The following ZNF746 variants were observed in gnomAD, a reference collection of about 807,000 sequenced individuals.
The protein encoded by ZNF746 is parkin-interacting substrate.
In ZNF746, 13 loss-of-function variants were observed where a neutral mutation model predicts 41.0. The ratio of observed to expected loss-of-function variants is 0.32; its 90% CI spans 0.21 to 0.50. ZNF746 has a LOEUF of 0.50. ZNF746 is among the 20% of genes least tolerant of loss of function. The pLI, the probability that ZNF746 is intolerant of heterozygous loss-of-function variation, is 0.98. For missense variants in ZNF746, 811 were observed against 922.9 expected (o/e 0.88, Z 1.57); for synonymous variants, 424 against 396.2 (o/e 1.07, Z -0.83).
At chr7:149,484,660 G>A (rs1484572457) in intron 4 of ZNF746, among the ~76,000 whole-genome samples, 2 of 149,516 alleles carry the variant, frequency 1.3e-5, no homozygotes, top group Non-Finnish European at 3.0e-5. Context: ...GATTTTCTGG[G>A]AGTTCTCAGT....
intron 4 of ZNF746, among the ~76,000 whole-genome samples, chr7:149,486,249 T>C (rs969238380): frequency 1.3e-5 from 2 of 152,014 alleles, no homozygotes; most frequent in East Asian, 3.9e-4. Context: ...TGAGGTGTGA[T>C]TGGAACCCCC....
intron 4 of ZNF746, among the ~76,000 whole-genome samples, chr7:149,480,918 A>G (rs942293137): frequency 6.6e-6 from 1 of 152,218 alleles, no homozygotes; most frequent in African/African-American, 2.4e-5. Context: ...TCCAGAATAA[A>G]AGGTTAGAAA....
chr7:149,495,675 G>C (rs1025054733), intron 1 of ZNF746, among the ~76,000 whole-genome samples: 3 of 152,210 alleles, frequency 2.0e-5, no homozygotes, highest in African/African-American at 7.2e-5. Context: ...CTAGAAACCA[G>C]TGTGGATTCA....
intron 4 of ZNF746, among the ~76,000 whole-genome samples, chr7:149,481,204 C>G (rs7808284): frequency 0.03 from 4,534 of 152,292 alleles, 241 homozygotes; most frequent in African/African-American, 0.1. Flanking sequence ...AAATAACACT[C>G]AAGCTAAAAT....
chr7:149,474,464 G>A lies in ZNF746; in HGVS notation c.1903C>T (p.Pro635Ser). The change falls in exon 7 of 7, where the codon CCT becomes TCT. Residue 635 changes from proline (P) to serine (S), a missense_variant. By Grantham distance (74) the Pro-to-Ser change is moderately conservative (BLOSUM62 -1). Coordinates refer to ENST00000458143, the MANE Select transcript of ZNF746 (RefSeq NM_001394198.1). This position sits in a 1 kb window ranked among gnomAD's most constrained non-coding sequence, Gnocchi z 6.3. ...DPFKSPASKGPLASTDLVTDW... is the reference protein window; with the variant it reads ...DPFKSPASKGSLASTDLVTDW... ...GTCACAAGGTCTGTGGAGGCCAAAG[G>A]TCCTTTGGAGGCGGGGCTCTTGAAG... is the stretch of plus-strand genomic sequence containing the variant. 6.2e-7 allele frequency: 1 copy of A among 1,611,540 alleles called. No individual in the cohort carries two copies. Among genetic ancestry groups the A allele is most frequent in the Non-Finnish European group, 8.5e-7 (1 of 1,178,868 alleles).
rs1382320873 is a variant in ZNF746 at position 149,484,403 on chromosome 7, C to G, written c.566-6648G>C. Among the ~76,000 whole-genome samples the G allele has an allele frequency of 2.6e-5, 4 of 152,232 alleles. No individual in the cohort carries two copies. In the South Asian group the frequency reaches 6.2e-4, roughly 24 times the overall value. On this transcript the variant is annotated intron_variant, in intron 4 of 6. Transcript: ENST00000458143. ...TTAGAAAGTAACATAATTTACCTTACTAGCAGGTTAAGGAGAAAAAAATGT... is the reference window on the plus strand; with the variant it reads ...TTAGAAAGTAACATAATTTACCTTAGTAGCAGGTTAAGGAGAAAAAAATGT...
intron 6 of ZNF746, 70 bp from the exon 7 acceptor site, chr7:149,475,553 C>T: frequency 6.5e-7 from 1 of 1,539,186 alleles, no homozygotes. Context: ...CTGCCACCAT[C>T]ACCTGCTCAG....
chr7:149,482,590 G>A lies in ZNF746; in HGVS notation c.566-4835C>T, dbSNP rs181405444. ...AGCAGTTCTCCTGCCTCAGCCTCCC[G>A]AGTAGCTGGGATTACAGATGTGTGC... On this transcript the variant is annotated intron_variant, in intron 4 of 6. Transcript: ENST00000458143. Among the ~76,000 whole-genome samples, 173 of 151,340 alleles carry A rather than the reference G, an allele frequency of 1.1e-3. 1 individual carries two copies. Among genetic ancestry groups the A allele is most frequent in the African/African-American group, 3.9e-3 (161 of 41,216 alleles).
Position 149,494,087 on chromosome 7 carries a change from A to T in ZNF746, c.353T>A (p.Val118Glu). ...GCCCCACTCCTGCTCGGAGAAATACACGGCCACATCATCAAAGGTCACGGG... is the reference window on the plus strand; with the variant it reads ...GCCCCACTCCTGCTCGGAGAAATACTCGGCCACATCATCAAAGGTCACGGG... ...KVPVTFDDVA[V>E]YFSEQEWGKL... The change falls in exon 3 of 7, where the codon GTG becomes GAG. Residue 118 changes from valine to glutamate, a missense_variant. Physicochemically the swap from Val to Glu is moderately radical, Grantham distance 121. This residue lies in a region of ZNF746 where 147 missense variants were observed against 233.4 expected (regional missense o/e 0.63). Transcript: ENST00000458143. This position sits in a 1 kb window ranked among gnomAD's most constrained non-coding sequence, Gnocchi z 5.6. The T allele has an allele frequency of 6.2e-7, 1 of 1,614,018 alleles. No homozygotes were observed.
At chr7:149,481,468 A>G (rs951097478) in intron 4 of ZNF746, among the ~76,000 whole-genome samples, 16 of 152,372 alleles carry the variant, frequency 1.1e-4, no homozygotes, top group Admixed American at 3.9e-4. Flanking sequence ...AAAAGTCTGT[A>G]TATGTTTAGT....
chr7:149,475,283 G>A lies in ZNF746; in HGVS notation c.1084C>T (p.Arg362Ter). The A allele has an allele frequency of 6.2e-7, 1 of 1,613,222 alleles. No individual in the cohort carries two copies. Among genetic ancestry groups the A allele is most frequent in the Non-Finnish European group, 8.5e-7 (1 of 1,179,584 alleles). The change falls in exon 7 of 7, where the codon CGA (arginine) becomes TGA (stop). Residue 362 changes from arginine to a stop codon, truncating the protein, a stop_gained. Transcript: ENST00000458143. LOFTEE classifies it low-confidence loss of function (END_TRUNC). ...FPSQDPVLGLREPARPERDMG... is the reference protein window; with the variant it reads ...FPSQDPVLGL ...TCCCTCTCAGGCCGGGCGGGCTCTCGCAGCCCCAGCACAGGGTCCTGGCTG... is the reference window on the plus strand; with the variant it reads ...TCCCTCTCAGGCCGGGCGGGCTCTCACAGCCCCAGCACAGGGTCCTGGCTG...
Position 149,477,003 on chromosome 7 carries a change from G to C in ZNF746, c.802C>G (p.Gln268Glu). Reference sequence around the variant, plus strand: ...GGATGGTGGGGAGGGAGATCCGTTTGCCAGGAGGTGGGCGGGATGGTGGTG... The same window carrying C: ...GGATGGTGGGGAGGGAGATCCGTTTCCCAGGAGGTGGGCGGGATGGTGGTG... ...FSTTIPPTSW[Q>E]TDLPPHHPSS... Residue 268 changes from glutamine to glutamate, a missense_variant, in exon 6 of 7, where the codon CAA becomes GAA. Transcript: ENST00000458143. 6.2e-7 allele frequency: 1 copy of C among 1,613,882 alleles called. No homozygotes were observed. The highest frequency in any genetic ancestry group is 8.5e-7 in the Non-Finnish European group (1 of 1,179,976).
rs192050587 is a variant in ZNF746 at position 149,492,430 on chromosome 7, A to C, written c.565+429T>G. The stretch of plus-strand genomic sequence containing the variant: ...ATATGTGTTATTGACTGTTCATAGT[A>C]TCAATAAGGCTTCTGGTTAATAGGA... On this transcript the variant is annotated intron_variant, in intron 4 of 6. Transcript: ENST00000458143. Among the ~76,000 whole-genome samples, 32 of 152,384 alleles carry C rather than the reference A, an allele frequency of 2.1e-4. No individual in the cohort carries two copies. The East Asian group carries it at 6.0e-3, about 28-fold the overall frequency.
rs1320397045 is a variant in ZNF746, at chr7:149,474,903, C to T, written c.1464G>A (p.Gln488=). Residue 488 remains glutamine (Q), a synonymous_variant, in exon 7 of 7, where the codon CAG becomes CAA. Coordinates refer to ENST00000458143, the MANE Select transcript of ZNF746 (RefSeq NM_001394198.1). The surrounding 1 kb of genome is among the most constrained non-coding windows in gnomAD (Gnocchi z 6.3). ...FQLQVSLSAH[Q]RSCGAPDGSG... ...ACCCGTCGGGCGCCCCACAGCTGCGCTGGTGCGCGCTCAGGCTGACTTGCA... is the reference window on the plus strand; with the variant it reads ...ACCCGTCGGGCGCCCCACAGCTGCGTTGGTGCGCGCTCAGGCTGACTTGCA... 1.3e-6 allele frequency: 2 copies of T among 1,536,556 alleles called. No individual in the cohort carries two copies. Among genetic ancestry groups the T allele is most frequent in the Non-Finnish European group, 1.7e-6 (2 of 1,145,534 alleles).
In ZNF746 at chr7:149,497,198, G is replaced by A. The variant is rs532254498; in HGVS notation, c.24+315C>T. 3 of 985,108 alleles carry A rather than the reference G, an allele frequency of 3.0e-6. No individual in the cohort carries two copies. Among genetic ancestry groups the A allele is most frequent in the South Asian group, 4.7e-5 (1 of 21,276 alleles). The allele number at this position is 985,108 out of a possible 1,614,324, so 61.0% of individuals were successfully genotyped here. A position where few individuals can be genotyped will look rare whatever the true frequency, so the allele number is the denominator to read the frequency against. On this transcript the variant is annotated intron_variant, in intron 1 of 6. Coordinates refer to ENST00000458143, the MANE Select transcript of ZNF746 (RefSeq NM_001394198.1). This position sits in a 1 kb window ranked among gnomAD's most constrained non-coding sequence, Gnocchi z 4.2. Reference sequence around the variant, plus strand: ...CAGGCAGAGAAAGGAGCCGCGGGTGGGGGGGCACCCAGAAGGAGGGGACAG... The same window carrying A: ...CAGGCAGAGAAAGGAGCCGCGGGTGAGGGGGCACCCAGAAGGAGGGGACAG...
chr7:149,474,880 C>A lies in ZNF746; in HGVS notation c.1487G>T (p.Gly496Val). The part of the protein sequence containing the change: ...AHQRSCGAPD[G>V]SGPGTGGGGS... Reference sequence around the variant, plus strand: ...GCCACCGCCTGTGCCCGGGCCCGACCCGTCGGGCGCCCCACAGCTGCGCTG... The same window carrying A: ...GCCACCGCCTGTGCCCGGGCCCGACACGTCGGGCGCCCCACAGCTGCGCTG... The change falls in exon 7 of 7, where the codon GGG (glycine) becomes GTG (valine). Residue 496 changes from glycine to valine, a missense_variant. Coordinates refer to ENST00000458143, the MANE Select transcript of ZNF746 (RefSeq NM_001394198.1). This position sits in a 1 kb window ranked among gnomAD's most constrained non-coding sequence, Gnocchi z 6.3. 6.6e-7 allele frequency: 1 copy of A among 1,509,334 alleles called. No homozygotes were observed. The highest frequency in any genetic ancestry group is 2.2e-5 in the Admixed American group (1 of 46,162). 93.5% of individuals were successfully genotyped at this position (1,509,334 alleles called of 1,614,324 possible). A position where few individuals can be genotyped will look rare whatever the true frequency, so the allele number is the denominator to read the frequency against.
Position 149,474,980 on chromosome 7 carries a change from G to T in ZNF746, c.1387C>A (p.Pro463Thr), listed in dbSNP as rs1342793238. The T allele has an allele frequency of 1.3e-6, 2 of 1,547,976 alleles. No individual in the cohort carries two copies. The highest frequency in any genetic ancestry group is 8.7e-7 in the Non-Finnish European group (1 of 1,146,396). ...CAGGTGAAGGGCCGGCCCCCGGGGG[G>T]CGCCGCGGGGTGCTTCTTCAGCCCT... The part of the protein sequence containing the change: ...KPGLKKHPAA[P>T]PGGRPFTCAT... The change falls in exon 7 of 7, where the codon CCC becomes ACC. Residue 463 changes from proline to threonine, a missense_variant. By Grantham distance (38) the Pro-to-Thr change is conservative (BLOSUM62 -1). Around this residue, in one of 4 missense-constraint regions of ZNF746, gnomAD observed 495 missense variants for 481.6 expected, o/e 1.03. Coordinates refer to ENST00000458143, the MANE Select transcript of ZNF746 (RefSeq NM_001394198.1). The surrounding 1 kb of genome is among the most constrained non-coding windows in gnomAD (Gnocchi z 6.3).
rs762930378 is a variant in ZNF746, at chr7:149,474,621, G to A, written c.1746C>T (p.Phe582=). ...AGCTTTTGCCGCAGACGGTGCAGGT[G>A]AAGGGCCGCACGCCCGTGTGCGTTC... is the stretch of plus-strand genomic sequence containing the variant. ...HYRTHTGVRP[F]TCTVCGKSFI... The change falls in exon 7 of 7, where the codon TTC becomes TTT. Residue 582 remains phenylalanine (F), a synonymous_variant. Transcript: ENST00000458143. The surrounding 1 kb of genome is among the most constrained non-coding windows in gnomAD (Gnocchi z 6.3). 9.9e-6 allele frequency: 16 copies of A among 1,613,518 alleles called. No individual in the cohort carries two copies. The highest frequency in any genetic ancestry group is 1.4e-5 in the Non-Finnish European group (16 of 1,179,788).
intron 4 of ZNF746, among the ~76,000 whole-genome samples, chr7:149,485,028 T>C (rs1192308295): frequency 1.3e-5 from 2 of 151,940 alleles, no homozygotes; most frequent in African/African-American, 4.8e-5. Context: ...GGCAGGGACA[T>C]TGGAATGCGC....
Sources: gnomAD v4.1 joint callset for allele counts (sites outside exome capture counted in the v4.1 genomes callset) on GRCh38, gnomAD v4.1.1 for gene constraint, gnomAD v4.1.1 regional missense constraint, Gnocchi (gnomAD v3.1) non-coding constraint, MANE v1.5 for transcripts, NCBI Gene and HGNC (gene_info 2026-07-23, HGNC 2026-07-21) for gene names.